CEP135: variants seen among roughly 807,000 people sequenced by gnomAD.
The protein encoded by CEP135 is centrosomal protein 135.
CEP135 carries 142 observed loss-of-function variants against 157.3 expected under a neutral mutation model. The ratio of observed to expected loss-of-function variants is 0.90; its 90% CI spans 0.79 to 1.04. The LOEUF (loss-of-function observed/expected upper bound fraction) is 1.04. Among genes scored for constraint, CEP135 ranks in the 50% least tolerant of loss-of-function variants. The pLI, the probability that CEP135 is intolerant of heterozygous loss-of-function variation, is 0.00. For synonymous variants in CEP135, 396 were observed against 439.8 expected (o/e 0.90, Z 1.25); for missense variants, 1,317 against 1,309.2 (o/e 1.01, Z -0.09).
chr4:55,983,099 A>T (rs1729465632), intron 13 of CEP135, among the ~76,000 whole-genome samples: 2 of 152,218 alleles, frequency 1.3e-5, no homozygotes. Flanking sequence ...AATACTTTTA[A>T]TTGGAATCTT....
At chr4:55,992,125 T>C in intron 15 of CEP135, 40 bp downstream of exon 15, 1 of 1,572,304 alleles carries the variant, frequency 6.4e-7, no homozygotes, top group East Asian at 2.3e-5. Flanking sequence ...TTTCTGGGAA[T>C]GTGTTTGTGG....
chr4:55,953,034 T>C, intron 2 of CEP135, 51 bp from the exon 3 acceptor site: 1 of 1,394,092 alleles, frequency 7.2e-7, no homozygotes, highest in Non-Finnish European at 9.5e-7. Context: ...TTTTTAGTTA[T>C]TAGAAAGTTA....
intron 10 of CEP135, among the ~76,000 whole-genome samples, chr4:55,972,115 A>C (rs2109668881): frequency 6.6e-6 from 1 of 152,086 alleles, no homozygotes; most frequent in South Asian, 2.1e-4. Context: ...GTGCCACTGC[A>C]CTCCAGCCTG....
At chr4:56,011,381 T>A (rs770942663) in intron 19 of CEP135, 31 bp from the exon 20 acceptor site, 122 of 1,419,864 alleles carry the variant, frequency 8.6e-5, no homozygotes, top group Non-Finnish European at 1.2e-4. Flanking sequence ...TTGTGTTCAT[T>A]TTAGATTGTC....
chr4:55,996,900 A>G (rs1729987984), intron 15 of CEP135, among the ~76,000 whole-genome samples: 1 of 152,168 alleles, frequency 6.6e-6, no homozygotes, highest in Non-Finnish European at 1.5e-5. Context: ...AAATGAGATC[A>G]TGTGTAGCTC....
chr4:56,017,995 C>G, intron 22 of CEP135, 138 bp downstream of exon 22: 1 of 742,132 alleles, frequency 1.3e-6, no homozygotes, highest in Non-Finnish European at 2.1e-6. Flanking sequence ...GAGTTTTGCT[C>G]TGTCGCTTAG....
At chr4:56,006,747 C>G (rs573684319) in intron 17 of CEP135, among the ~76,000 whole-genome samples, 93 of 152,312 alleles carry the variant, frequency 6.1e-4, no homozygotes, top group African/African-American at 2.1e-3. Flanking sequence ...ACTGTCTTGT[C>G]AGGATCAATC....
At chr4:55,957,721 T>C (rs1162004166) in intron 5 of CEP135, among the ~76,000 whole-genome samples, 1 of 152,220 alleles carries the variant, frequency 6.6e-6, no homozygotes, top group Non-Finnish European at 1.5e-5. Context: ...CAGTTAAATA[T>C]GAAGAGATGT....
At chr4:55,983,616 C>A (rs1285528212) in intron 13 of CEP135, among the ~76,000 whole-genome samples, 1 of 150,390 alleles carries the variant, frequency 6.6e-6, no homozygotes, top group African/African-American at 2.5e-5. Flanking sequence ...CTCAGTGAAT[C>A]TTCAAATCTT....
chr4:56,026,317 A>G (rs188424517), intron 25 of CEP135, among the ~76,000 whole-genome samples: 207 of 152,262 alleles, frequency 1.4e-3, no homozygotes, highest in African/African-American at 4.8e-3. Flanking sequence ...CAAAAAAACA[A>G]AACAAAAACA....
Position 55,965,651 on chromosome 4 carries a change from T to G in CEP135, c.836T>G (p.Phe279Cys), listed in dbSNP as rs770944527. 1.3e-5 allele frequency: 21 copies of G among 1,602,506 alleles called. No homozygotes were observed. Among genetic ancestry groups the G allele is most frequent in the Non-Finnish European group, 1.7e-5 (20 of 1,176,878 alleles). Residue 279 changes from phenylalanine to cysteine, a missense_variant, in exon 8 of 26, where the codon TTT (phenylalanine) becomes TGT (cysteine). Coordinates refer to ENST00000257287, the MANE Select transcript of CEP135 (RefSeq NM_025009.5). ...ATTACAACTCCAATTTAGGTTGACTTTCTTCAGCAAGCTAATAAAGACCTG... is the reference window on the plus strand; with the variant it reads ...ATTACAACTCCAATTTAGGTTGACTGTCTTCAGCAAGCTAATAAAGACCTG... ...LIAHLNIQVD[F>C]LQQANKDLEK... is the part of the protein sequence containing the mutation.
intron 17 of CEP135, among the ~76,000 whole-genome samples, chr4:56,001,805 G>A (rs1030859268): frequency 1.3e-4 from 20 of 151,922 alleles, no homozygotes; most frequent in Non-Finnish European, 1.6e-4. Flanking sequence ...TGTTCTAATA[G>A]GGATTACATT....
At chr4:56,003,155 T>C (rs1730237321) in intron 17 of CEP135, among the ~76,000 whole-genome samples, 1 of 152,316 alleles carries the variant, frequency 6.6e-6, no homozygotes, top group East Asian at 1.9e-4. Context: ...GTTTATCTTT[T>C]TTAAAAACCA....
intron 1 of CEP135, among the ~76,000 whole-genome samples, chr4:55,951,449 C>A (rs1728359595): frequency 6.6e-6 from 1 of 152,048 alleles, no homozygotes; most frequent in Non-Finnish European, 1.5e-5. Flanking sequence ...AGAAAATGTA[C>A]CTTGTTGTTT....
chr4:55,954,135 C>T, intron 3 of CEP135, 81 bp from the exon 4 acceptor site: 3 of 1,286,834 alleles, frequency 2.3e-6, no homozygotes, highest in Non-Finnish European at 3.2e-6. Flanking sequence ...ATTGATATGA[C>T]TTTTTGTATT....
intron 6 of CEP135, among the ~76,000 whole-genome samples, chr4:55,962,947 T>A (rs1012875511): frequency 1.3e-5 from 2 of 152,168 alleles, no homozygotes; most frequent in Admixed American, 1.3e-4. Flanking sequence ...CACCTTTACA[T>A]TGGGCATTTC....
At chr4:55,966,799 A>T (rs1047534762) in intron 8 of CEP135, among the ~76,000 whole-genome samples, 1 of 152,138 alleles carries the variant, frequency 6.6e-6, no homozygotes, top group African/African-American at 2.4e-5. Context: ...GAATTCTTTA[A>T]AAGTGTTTTT....
At chr4:56,023,893 A>G (rs1227054505) in intron 24 of CEP135, among the ~76,000 whole-genome samples, 1 of 139,498 alleles carries the variant, frequency 7.2e-6, no homozygotes, top group Non-Finnish European at 1.5e-5. Flanking sequence ...ATAATGTAAT[A>G]TATATAATAT....
intron 4 of CEP135, among the ~76,000 whole-genome samples, chr4:55,957,012 G>C (rs1728529136): frequency 6.6e-6 from 1 of 152,124 alleles, no homozygotes; most frequent in African/African-American, 2.4e-5. Context: ...TATAAAACTT[G>C]TTTGATAACC....
Sources: gnomAD v4.1 joint callset for allele counts (sites outside exome capture counted in the v4.1 genomes callset) on GRCh38, gnomAD v4.1.1 for gene constraint, MANE v1.5 for transcripts, NCBI Gene and HGNC (gene_info 2026-07-23, HGNC 2026-07-21) for gene names.